Variants in KRT79 observed in about 807,000 individuals in gnomAD.
KRT79 encodes keratin, type II cytoskeletal 79.
A neutral mutation model predicts 49.0 loss-of-function variants in KRT79; 51 were observed. That is an observed-to-expected ratio of 1.04 (90% CI 0.83 to 1.31). The LOEUF is 1.31. KRT79 is among the 40% of genes most tolerant of loss of function. The probability of loss-of-function intolerance (pLI) is 0.00; values close to 1 mark genes in which losing one functional copy is unlikely to be tolerated. For missense variants in KRT79, 728 were observed against 688.0 expected (o/e 1.06, Z -0.65); for synonymous variants, 312 against 286.6 (o/e 1.09, Z -0.90).
At chr12:52,831,346 G>T in intron 2 of KRT79, 60 bp downstream of exon 2, 1 of 1,519,468 alleles carries the variant, frequency 6.6e-7, no homozygotes, top group Non-Finnish European at 9.1e-7. Context: ...GGCCCTCTTG[G>T]CAGGTTTCCC....
intron 2 of KRT79, 24 bp from the exon 3 acceptor site, chr12:52,830,316 C>T (rs1418758295): frequency 6.2e-7 from 1 of 1,610,916 alleles, no homozygotes; most frequent in Non-Finnish European, 8.5e-7. Flanking sequence ...GAGACTCAGG[C>T]CAGGCTCAGC....
In KRT79 at chr12:52,823,193, C is replaced by T. The variant is rs202049787; in HGVS notation, c.1190G>A (p.Gly397Glu). 1.2e-4 allele frequency: 199 copies of T among 1,614,172 alleles called. 2 individuals are homozygous for T. In the East Asian group the frequency reaches 3.3e-3, roughly 27 times the overall value. The part of the protein sequence containing the change: ...QTAIAEAEQR[G>E]ELALKDAQKK... Reference sequence around the variant, plus strand: ...CTGAGCATCCTTGAGTGCCAGCTCCCCACGCTGCTCCGCTTCCGCAATGGC... The same window carrying T: ...CTGAGCATCCTTGAGTGCCAGCTCCTCACGCTGCTCCGCTTCCGCAATGGC... The change falls in exon 7 of 9, where the codon GGG (glycine) becomes GAG (glutamate). Residue 397 changes from glycine (G) to glutamate (E), a missense_variant. Gly to Glu is a moderately conservative substitution (Grantham distance 98). Coordinates refer to ENST00000330553, the MANE Select transcript of KRT79 (RefSeq NM_175834.3).
intron 4 of KRT79, among the ~76,000 whole-genome samples, chr12:52,826,183 AT>A (rs1940172805): frequency 1.3e-5 from 2 of 152,032 alleles, no homozygotes; most frequent in African/African-American, 4.8e-5. Context: ...AGGAGGCAAA[AT>A]CTCTCCACTG....
At chr12:52,830,400 C>T (rs1940235866) in intron 2 of KRT79, 108 bp from the exon 3 acceptor site, 8 of 870,764 alleles carry the variant, frequency 9.2e-6, no homozygotes, top group Non-Finnish European at 1.5e-5. Flanking sequence ...TGATCAAGAA[C>T]ACCTCTGGGG....
Position 52,823,883 on chromosome 12 carries a change from C to T in KRT79, c.1146+4G>A. On this transcript the variant is annotated splice_donor_region_variant and intron_variant, in intron 6 of 8. Coordinates refer to ENST00000330553, the MANE Select transcript of KRT79 (RefSeq NM_175834.3). ...AGACCCCCAAGCCCCCAGTAGAGTC[C>T]CACCTGCTTCTTGGCTGCATCAGCC... is the stretch of plus-strand genomic sequence containing the variant. 6.2e-7 allele frequency: 1 copy of T among 1,612,642 alleles called. No individual in the cohort carries two copies. Among genetic ancestry groups the T allele is most frequent in the Non-Finnish European group, 8.5e-7 (1 of 1,179,670 alleles).
In KRT79 at chr12:52,821,839, C is replaced by G. The variant is rs367731035; in HGVS notation, c.*33G>C. 12 of 1,597,372 alleles carry G rather than the reference C, an allele frequency of 7.5e-6. No homozygotes were observed. The African/African-American group carries it at 1.1e-4, about 14-fold the overall frequency. On this transcript the variant is annotated 3_prime_UTR_variant, in exon 9 of 9. Transcript: ENST00000330553. ...AGAGGTGGGGTGAGGAGGGCAGGGACAGGATTGCAGGGGCCCTTGCAGGGC... is the reference window on the plus strand; with the variant it reads ...AGAGGTGGGGTGAGGAGGGCAGGGAGAGGATTGCAGGGGCCCTTGCAGGGC...
In KRT79 at chr12:52,824,374, G is replaced by A. The variant is rs1170615320; in HGVS notation, c.856-12C>T. 2 of 1,612,256 alleles carry A rather than the reference G, an allele frequency of 1.2e-6. No individual in the cohort carries two copies. The highest frequency in any genetic ancestry group is 1.7e-6 in the Non-Finnish European group (2 of 1,178,694). On this transcript the variant is annotated splice_polypyrimidine_tract_variant and intron_variant, in intron 4 of 8. Coordinates refer to ENST00000330553, the MANE Select transcript of KRT79 (RefSeq NM_175834.3). ...ACTTGGCTCAGCTCCTGAAGAATCA[G>A]AGACAGCTGCCACCAGCACCCCTGC...
Position 52,822,632 on chromosome 12 carries a change from G to A in KRT79, c.1368-253C>T, listed in dbSNP as rs557146637. 2.0e-5 allele frequency among the ~76,000 whole-genome samples: 3 copies of A among 152,308 alleles called. No individual in the cohort carries two copies. In the East Asian group the frequency reaches 5.8e-4, roughly 29 times the overall value. On this transcript the variant is annotated intron_variant, in intron 7 of 8. Transcript: ENST00000330553. Reference sequence around the variant, plus strand: ...TTCCTCTCTGCCCATGTGGGCTACGGACAGCATCCCTGCCCCAATGGAAAC... The same window carrying A: ...TTCCTCTCTGCCCATGTGGGCTACGAACAGCATCCCTGCCCCAATGGAAAC...
At position 52,833,969 on chromosome 12, in the gene KRT79, G is replaced by C. The variant is rs1330147980; in HGVS notation, c.292C>G (p.Gln98Glu). The change falls in exon 1 of 9, where the codon CAG becomes GAG. Residue 98 changes from glutamine (Q) to glutamate (E), a missense_variant. By Grantham distance (29) the Gln-to-Glu change is conservative (BLOSUM62 2). Transcript: ENST00000330553. The part of the protein sequence containing the change: ...FGFGSRAFMG[Q>E]GAGRQTFGPA... ...CCAAACGTCTGCCTGCCAGCCCCCT[G>C]TCCCATAAATGCCCTGCTGCCAAAG... 2 of 1,612,966 alleles carry C rather than the reference G, an allele frequency of 1.2e-6. No individual in the cohort carries two copies. The highest frequency in any genetic ancestry group is 2.7e-5 in the African/African-American group (2 of 74,826).
At chr12:52,822,938 C>T in intron 7 of KRT79, 78 bp downstream of exon 7, 1 of 1,451,276 alleles carries the variant, frequency 6.9e-7, no homozygotes, top group Non-Finnish European at 9.4e-7. Flanking sequence ...CCTCTCTTGA[C>T]CCCGGAGCAG....
At chr12:52,829,816 G>A (rs750778044) in intron 4 of KRT79, among the ~76,000 whole-genome samples, 2 of 152,136 alleles carry the variant, frequency 1.3e-5, no homozygotes, top group African/African-American at 2.4e-5. Flanking sequence ...CAGGAGAATC[G>A]CTTTGCAGAG....
chr12:52,830,351 A>G (rs746763193), intron 2 of KRT79, 59 bp from the exon 3 acceptor site: 1 of 1,502,594 alleles, frequency 6.7e-7, no homozygotes, highest in South Asian at 1.1e-5. Flanking sequence ...CAGGCATGGG[A>G]CCCACTCAGC....
At chr12:52,824,438 G>A (rs1424220833) in intron 4 of KRT79, 76 bp from the exon 5 acceptor site, 1 of 1,471,532 alleles carries the variant, frequency 6.8e-7, no homozygotes, top group East Asian at 2.3e-5. Context: ...AAGGACATGG[G>A]CCCCCAGGTA....
intron 4 of KRT79, 79 bp from the exon 5 acceptor site, chr12:52,824,441 C>T (rs1329393832): frequency 5.5e-6 from 8 of 1,447,472 alleles, no homozygotes; most frequent in South Asian, 3.9e-5. Flanking sequence ...GACATGGGCC[C>T]CCAGGTAGCA....
In KRT79 at chr12:52,822,228, T is replaced by C. The variant is rs775228353; in HGVS notation, c.1402+117A>G. 117 of 1,307,552 alleles carry C rather than the reference T, an allele frequency of 8.9e-5. 1 individual carries two copies. Among genetic ancestry groups the C allele is most frequent in the Middle Eastern group, 7.2e-4 (4 of 5,526 alleles). The allele number at this position is 1,307,552 out of a possible 1,614,324, so 81.0% of individuals were successfully genotyped here. On this transcript the variant is annotated intron_variant, in intron 8 of 8. Coordinates refer to ENST00000330553, the MANE Select transcript of KRT79 (RefSeq NM_175834.3). ...CCAGAACTAGGACCCTCTGAACCTG[T>C]CTCCAGGGGCTCGAATGGAGGAGAG... is the stretch of plus-strand genomic sequence containing the variant.
intron 8 of KRT79, 57 bp from the exon 9 acceptor site, chr12:52,822,134 A>G (rs1940100016): frequency 6.4e-7 from 1 of 1,559,554 alleles, no homozygotes; most frequent in African/African-American, 1.4e-5. Flanking sequence ...GGGCTGGGGG[A>G]GACCCAGAAA....
intron 4 of KRT79, among the ~76,000 whole-genome samples, chr12:52,825,318 A>G (rs1249617538): frequency 6.6e-6 from 1 of 152,182 alleles, no homozygotes; most frequent in Non-Finnish European, 1.5e-5. Flanking sequence ...TCTTGTCTCC[A>G]TCCTTTCTCA....
chr12:52,823,353 A>G, intron 6 of KRT79, 117 bp from the exon 7 acceptor site: 1 of 800,936 alleles, frequency 1.2e-6, no homozygotes, highest in East Asian at 2.7e-5. Flanking sequence ...CAGCTGGGAA[A>G]GAGAGAAGAG....
intron 4 of KRT79, among the ~76,000 whole-genome samples, chr12:52,826,188 T>C (rs1413493008): frequency 2.0e-5 from 3 of 152,008 alleles, no homozygotes; most frequent in Non-Finnish European, 2.9e-5. Context: ...GCAAAATCTC[T>C]CCACTGGATG....
Sources: gnomAD v4.1 joint callset for allele counts (sites outside exome capture counted in the v4.1 genomes callset) on GRCh38, gnomAD v4.1.1 for gene constraint, MANE v1.5 for transcripts, NCBI Gene and HGNC (gene_info 2026-07-23, HGNC 2026-07-21) for gene names.